KDM7A: variants seen among roughly 807,000 people sequenced by gnomAD.
The protein encoded by KDM7A is lysine-specific demethylase 7A.
KDM7A carries 28 observed loss-of-function variants against 114.8 expected under a neutral mutation model. That is an observed-to-expected ratio of 0.24 (90% CI 0.18 to 0.33). The LOEUF is 0.33. KDM7A is among the 10% of genes least tolerant of loss of function. KDM7A has a pLI of 1.00. For missense variants in KDM7A, 942 were observed against 1,142.5 expected (o/e 0.82, Z 2.53); for synonymous variants, 423 against 397.8 (o/e 1.06, Z -0.75).
intron 12 of KDM7A, among the ~76,000 whole-genome samples, chr7:140,101,281 T>C (rs1452953893): frequency 2.0e-5 from 3 of 152,162 alleles, no homozygotes; most frequent in Non-Finnish European, 2.9e-5. Flanking sequence ...CTTTGTCCAG[T>C]AGGCCAGCAC....
intron 5 of KDM7A, among the ~76,000 whole-genome samples, 199 bp from the exon 6 acceptor site, chr7:140,127,022 C>T (rs1256681962): frequency 6.6e-6 from 1 of 152,182 alleles, no homozygotes; most frequent in African/African-American, 2.4e-5. Context: ...TGCAGTGGCG[C>T]GATCCTGGCT....
chr7:140,151,698 T>C (rs1794402202), intron 1 of KDM7A, among the ~76,000 whole-genome samples: 1 of 152,226 alleles, frequency 6.6e-6, no homozygotes, highest in Admixed American at 6.5e-5. Context: ...TACTTTTCCT[T>C]TCATGTAGTT....
chr7:140,162,856 T>A (rs1794535383), intron 1 of KDM7A, among the ~76,000 whole-genome samples: 2 of 152,130 alleles, frequency 1.3e-5, no homozygotes, highest in South Asian at 4.1e-4. Flanking sequence ...GAGGACCAGT[T>A]AAATTGTGGT....
rs1315794060 is a variant in KDM7A, at chr7:140,176,644, C to T, written c.194+100G>A. 19 of 884,112 alleles carry T rather than the reference C, an allele frequency of 2.1e-5. No homozygotes were observed. The highest frequency in any genetic ancestry group is 2.6e-5 in the Non-Finnish European group (19 of 734,088). The allele number at this position is 884,112 out of a possible 1,614,324, so 54.8% of individuals were successfully genotyped here. A position where few individuals can be genotyped will look rare whatever the true frequency, so the allele number is the denominator to read the frequency against. The stretch of plus-strand genomic sequence containing the variant: ...GGGGCCCCCTGAAAGCTGGGCGCGG[C>T]GCGGCGGCCCGGCCCGAGGGAGGCG... On this transcript the variant is annotated intron_variant, in intron 1 of 19. Transcript: ENST00000397560. This position sits in a 1 kb window ranked among gnomAD's most constrained non-coding sequence, Gnocchi z 4.4.
chr7:140,149,786 T>TA (rs1794378985), intron 1 of KDM7A, among the ~76,000 whole-genome samples: 1 of 152,190 alleles, frequency 6.6e-6, no homozygotes, highest in Non-Finnish European at 1.5e-5. Flanking sequence ...TAAATCATCT[T>TA]AGGGAAGAAA....
chr7:140,122,326 AAAATTATTCTATGAATGTC>A (rs1818629058), intron 7 of KDM7A, among the ~76,000 whole-genome samples: 1 of 151,204 alleles, frequency 6.6e-6, no homozygotes, highest in African/African-American at 2.4e-5. Flanking sequence ...ATCAATTTAA[AAAATTATTCTATGAATGTC>A]AATTTATGAT....
chr7:140,111,025 G>A, intron 11 of KDM7A, 70 bp downstream of exon 11: 1 of 842,744 alleles, frequency 1.2e-6, no homozygotes, highest in Non-Finnish European at 2.0e-6. Flanking sequence ...TTTGTAGAGA[G>A]TGGAATAGAT....
chr7:140,175,325 A>G (rs2116866812), intron 1 of KDM7A, among the ~76,000 whole-genome samples: 1 of 152,320 alleles, frequency 6.6e-6, no homozygotes, highest in Admixed American at 6.5e-5. Flanking sequence ...GAGGGAGACT[A>G]AGACATCTGG....
rs373694967 is a variant in KDM7A at position 140,091,083 on chromosome 7, C to T, written c.*11G>A. On this transcript the variant is annotated 3_prime_UTR_variant, in exon 20 of 20. Transcript: ENST00000397560. ...TCTCCAAAGGGAAGAATGGCTGCAA[C>T]AGCAGCTCTGTCACACAAAGAAACG... The T allele has an allele frequency of 1.3e-6, 2 of 1,599,652 alleles. No homozygotes were observed. Among genetic ancestry groups the T allele is most frequent in the Non-Finnish European group, 1.7e-6 (2 of 1,166,700 alleles).
At chr7:140,145,922 A>C (rs1794334869) in intron 1 of KDM7A, among the ~76,000 whole-genome samples, 1 of 152,228 alleles carries the variant, frequency 6.6e-6, no homozygotes, top group Non-Finnish European at 1.5e-5. Flanking sequence ...AAAGGGGAGA[A>C]AGGGACATTT....
chr7:140,121,459 G>A (rs1818616868), intron 7 of KDM7A, among the ~76,000 whole-genome samples: 1 of 152,156 alleles, frequency 6.6e-6, no homozygotes, highest in South Asian at 2.1e-4. Flanking sequence ...GCCCATTGCT[G>A]TGCTCAAAGG....
chr7:140,154,037 T>C (rs1282853531), intron 1 of KDM7A, among the ~76,000 whole-genome samples: 1 of 152,188 alleles, frequency 6.6e-6, no homozygotes, highest in Admixed American at 6.5e-5. Context: ...CTGAAGAGTC[T>C]GTACTTATGC....
intron 2 of KDM7A, among the ~76,000 whole-genome samples, chr7:140,134,029 G>A (rs934191157): frequency 1.3e-5 from 2 of 152,008 alleles, no homozygotes; most frequent in African/African-American, 4.8e-5. Flanking sequence ...AATCCAAATC[G>A]TCTTCTCAGG....
At chr7:140,102,215 G>T in intron 11 of KDM7A, 55 bp from the exon 12 acceptor site, 2 of 1,196,636 alleles carry the variant, frequency 1.7e-6, no homozygotes, top group Non-Finnish European at 2.5e-6. Flanking sequence ...ACACATACGT[G>T]ACTAAATAAT....
chr7:140,123,839 T>C (rs1440705476), intron 7 of KDM7A, among the ~76,000 whole-genome samples: 1 of 152,046 alleles, frequency 6.6e-6, no homozygotes, highest in Non-Finnish European at 1.5e-5. Flanking sequence ...CCCAGTACTT[T>C]GGTGGGCGGA....
intron 1 of KDM7A, among the ~76,000 whole-genome samples, chr7:140,151,120 C>T (rs1238720576): frequency 6.6e-6 from 1 of 152,218 alleles, no homozygotes; most frequent in East Asian, 1.9e-4. Flanking sequence ...CGTGAGCCAC[C>T]GTGCCCGGCC....
At chr7:140,103,305 C>G (rs907348099) in intron 11 of KDM7A, among the ~76,000 whole-genome samples, 1 of 139,174 alleles carries the variant, frequency 7.2e-6, no homozygotes, top group South Asian at 2.3e-4. Flanking sequence ...GTCAGCATTT[C>G]CTTTTTTTTT....
intron 1 of KDM7A, among the ~76,000 whole-genome samples, chr7:140,142,220 A>G (rs1794291470): frequency 6.6e-6 from 1 of 151,374 alleles, no homozygotes; most frequent in African/African-American, 2.4e-5. Context: ...TGACTTTATG[A>G]CAGGAAGGAC....
At chr7:140,142,916 T>C (rs1794300526) in intron 1 of KDM7A, among the ~76,000 whole-genome samples, 1 of 151,652 alleles carries the variant, frequency 6.6e-6, no homozygotes, top group African/African-American at 2.4e-5. Flanking sequence ...AAAAAAATCA[T>C]ACAATAAATG....
Sources: allele counts gnomAD v4.1 joint callset (sites outside exome capture counted in the v4.1 genomes callset), GRCh38; gene constraint gnomAD v4.1.1; non-coding constraint Gnocchi (gnomAD v3.1); transcripts MANE v1.5; gene names NCBI Gene and HGNC (gene_info 2026-07-23, HGNC 2026-07-21).